Variants in ASTN1 observed in about 807,000 individuals in gnomAD.
ASTN1 encodes astrotactin 1, also known as astrotactin-1.
ASTN1 carries 41 observed loss-of-function variants against 140.7 expected under a neutral mutation model. That is an observed-to-expected ratio of 0.29 (90% CI 0.23 to 0.38). ASTN1 has a LOEUF of 0.38. Among genes scored for constraint, ASTN1 ranks in the 10% least tolerant of loss-of-function variants. The pLI, the probability that ASTN1 is intolerant of heterozygous loss-of-function variation, is 1.00. For missense variants in ASTN1, 1,479 were observed against 1,678.8 expected, an observed-to-expected ratio of 0.88 and a Z score of 2.08; for synonymous variants, 640 against 652.2, an observed-to-expected ratio of 0.98 and a Z score of 0.29.
intron 1 of ASTN1, among the ~76,000 whole-genome samples, chr1:177,101,696 A>G (rs1344502484): frequency 2.0e-5 from 3 of 152,192 alleles, no homozygotes; most frequent in Non-Finnish European, 4.4e-5. Flanking sequence ...ATGTATGTAT[A>G]TGTCATTTAA....
chr1:177,086,258 T>G (rs1257079697), intron 1 of ASTN1, among the ~76,000 whole-genome samples: 1 of 97,906 alleles, frequency 1.0e-5, no homozygotes, highest in Admixed American at 1.4e-4. Flanking sequence ...CTAGTGGCAC[T>G]TTCTCTGTAG....
intron 1 of ASTN1, among the ~76,000 whole-genome samples, chr1:177,114,997 G>A (rs1034007762): frequency 2.0e-5 from 3 of 152,014 alleles, no homozygotes; most frequent in South Asian, 2.1e-4. Flanking sequence ...AGCAGAAGCA[G>A]GAGGAAGAGG....
At chr1:177,028,095 A>C (rs1676218881) in intron 5 of ASTN1, among the ~76,000 whole-genome samples, 2 of 152,172 alleles carry the variant, frequency 1.3e-5, no homozygotes, top group African/African-American at 4.8e-5. Flanking sequence ...CACCCCTAAG[A>C]AGCTTACAGT....
chr1:176,969,963 A>G (rs1308695542), intron 8 of ASTN1, among the ~76,000 whole-genome samples: 1 of 152,254 alleles, frequency 6.6e-6, no homozygotes, highest in African/African-American at 2.4e-5. Flanking sequence ...CCTGTGCCAC[A>G]GAGGAGCCCA....
chr1:176,869,077 G>A, intron 21 of ASTN1, 50 bp from the exon 22 acceptor site: 4 of 1,220,412 alleles, frequency 3.3e-6, no homozygotes, highest in Non-Finnish European at 3.3e-6. Flanking sequence ...ATATAATAAT[G>A]TATATATATA....
intron 16 of ASTN1, among the ~76,000 whole-genome samples, chr1:176,911,919 T>C (rs1041813324): frequency 6.6e-6 from 1 of 152,188 alleles, no homozygotes; most frequent in Non-Finnish European, 1.5e-5. Flanking sequence ...ACCACAGACA[T>C]GAGAGTGACG....
intron 22 of ASTN1, among the ~76,000 whole-genome samples, chr1:176,867,129 C>T (rs1224209859): frequency 6.6e-6 from 1 of 152,242 alleles, no homozygotes; most frequent in Non-Finnish European, 1.5e-5. Context: ...TCACTTTCTT[C>T]ATTAACCAAT....
chr1:176,902,036 C>T (rs1476230571), intron 16 of ASTN1, among the ~76,000 whole-genome samples: 3 of 152,136 alleles, frequency 2.0e-5, no homozygotes, highest in African/African-American at 4.8e-5. Context: ...GCCCTGCAGC[C>T]GGTCCCTCAA....
At chr1:177,113,046 C>T (rs1680897909) in intron 1 of ASTN1, among the ~76,000 whole-genome samples, 1 of 152,210 alleles carries the variant, frequency 6.6e-6, no homozygotes, top group Admixed American at 6.5e-5. Context: ...ATGCACAGAG[C>T]CGACCTGCAT....
At chr1:176,956,364 C>A (rs1485881169) in intron 11 of ASTN1, among the ~76,000 whole-genome samples, 1 of 152,160 alleles carries the variant, frequency 6.6e-6, no homozygotes, top group Admixed American at 6.5e-5. Flanking sequence ...TGGGAGCACT[C>A]CACCCTGTAC....
chr1:176,994,108 C>T (rs191954969), intron 8 of ASTN1, among the ~76,000 whole-genome samples: 14 of 149,744 alleles, frequency 9.3e-5, no homozygotes, highest in Non-Finnish European at 1.5e-4. Flanking sequence ...CCCCACCCCC[C>T]CCGCCACCCA....
chr1:176,944,790 A>G (rs1255790322), intron 13 of ASTN1, among the ~76,000 whole-genome samples: 1 of 152,224 alleles, frequency 6.6e-6, no homozygotes. Flanking sequence ...AGGCAGAGGC[A>G]GTCTCATTTC....
chr1:177,084,183 C>T (rs1679314655), intron 1 of ASTN1, among the ~76,000 whole-genome samples: 1 of 152,140 alleles, frequency 6.6e-6, no homozygotes, highest in Admixed American at 6.5e-5. Flanking sequence ...GCCATACTTC[C>T]AAAACTCCAT....
chr1:177,031,051 G>A (rs776933532), intron 3 of ASTN1, 99 bp from the exon 4 acceptor site: 5 of 1,319,944 alleles, frequency 3.8e-6, no homozygotes, highest in Non-Finnish European at 5.1e-6. Flanking sequence ...AGGTCTCACA[G>A]AATTGAAATA....
chr1:177,127,844 C>T (rs10798498), intron 1 of ASTN1, among the ~76,000 whole-genome samples: 24,452 of 152,108 alleles, frequency 0.16, 3,702 homozygotes, highest in African/African-American at 0.4. Flanking sequence ...GCGTCCTGTA[C>T]GCATATGATG....
intron 2 of ASTN1, among the ~76,000 whole-genome samples, chr1:177,042,239 T>G (rs552887925): frequency 2.6e-5 from 4 of 152,300 alleles, no homozygotes; most frequent in African/African-American, 9.6e-5. Context: ...GTCCCACATA[T>G]AGAGGTACAA....
chr1:176,983,924 T>A (rs1673755635), intron 8 of ASTN1, among the ~76,000 whole-genome samples: 1 of 152,200 alleles, frequency 6.6e-6, no homozygotes, highest in Non-Finnish European at 1.5e-5. Flanking sequence ...CCAGCCTCAA[T>A]CCACTCATAC....
At chr1:177,072,893 C>T (rs1678712697) in intron 1 of ASTN1, among the ~76,000 whole-genome samples, 1 of 152,030 alleles carries the variant, frequency 6.6e-6, no homozygotes, top group South Asian at 2.1e-4. Context: ...CACGGTAGCA[C>T]TGGCCCATTA....
intron 8 of ASTN1, chr1:176,981,820 A>C (rs908432807): frequency 5.2e-5 from 8 of 152,618 alleles, no homozygotes; most frequent in Admixed American, 2.6e-4. Context: ...CAGTCGTTTT[A>C]ATGAGGCAGC....
Sources: allele counts gnomAD v4.1 joint callset (sites outside exome capture counted in the v4.1 genomes callset), GRCh38; gene constraint gnomAD v4.1.1; transcripts MANE v1.5; gene names NCBI Gene and HGNC (gene_info 2026-07-23, HGNC 2026-07-21).